Variants in GUCA2B observed in about 807,000 individuals in gnomAD.
GUCA2B encodes prepro-uroguanylin.
Under a neutral mutation model 11.1 loss-of-function variants are expected in GUCA2B, and 7 were observed. That is an observed-to-expected ratio of 0.63 (90% CI 0.36 to 1.18). The LOEUF (loss-of-function observed/expected upper bound fraction) is 1.18. Among genes scored for constraint, GUCA2B ranks in the 50% most tolerant of loss-of-function variants. GUCA2B has a pLI of 0.02. For missense variants in GUCA2B, 140 were observed against 142.5 expected (o/e 0.98, Z 0.09); for synonymous variants, 69 against 65.3 (o/e 1.06, Z -0.27).
At position 42,155,583 on chromosome 1, in the gene GUCA2B, C is replaced by T; in HGVS notation, c.326C>T (p.Thr109Ile). ...GAGCTGTGTGTGAACGTTGCGTGTA[C>T]CGGCTGCCTCTGAGATAGCCCTGGG... ...DCELCVNVAC[T>I]GCL is the part of the protein sequence containing the mutation. The change falls in exon 3 of 3, where the codon ACC (threonine) becomes ATC (isoleucine). Residue 109 changes from threonine to isoleucine, a missense_variant. By Grantham distance (89) the Thr-to-Ile change is moderately conservative. Coordinates refer to ENST00000372581, the MANE Select transcript of GUCA2B (RefSeq NM_007102.3). 2 of 1,613,638 alleles carry T rather than the reference C, an allele frequency of 1.2e-6. No homozygotes were observed. The highest frequency in any genetic ancestry group is 1.7e-6 in the Non-Finnish European group (2 of 1,179,524).
At position 42,155,808 on chromosome 1, in the gene GUCA2B, A is replaced by C; in HGVS notation, c.*212A>C. On this transcript the variant is annotated 3_prime_UTR_variant, in exon 3 of 3. Transcript: ENST00000372581. ...CTGAGGCAGCCCAGCTCCTGAATAA[A>C]GATTCTACAACACACGAGTCCACGT... is the stretch of plus-strand genomic sequence containing the variant. The C allele has an allele frequency of 1.6e-6, 1 of 609,806 alleles. No homozygotes were observed. The allele number at this position is 609,806 out of a possible 1,614,324, so 37.8% of individuals were successfully genotyped here.
rs774813687 is a variant in GUCA2B, at chr1:42,154,873, G to T, written c.277+7G>T. 2 of 1,602,404 alleles carry T rather than the reference G, an allele frequency of 1.2e-6. No homozygotes were observed. Among genetic ancestry groups the T allele is most frequent in the Non-Finnish European group, 8.5e-7 (1 of 1,172,120 alleles). On this transcript the variant is annotated splice_region_variant and intron_variant, in intron 2 of 2. Transcript: ENST00000372581. ...AGCATCTTCAAGACCCTGAGTAAGT[G>T]CCCCCGCTCCCTGCAGAACCTCGCT...
At position 42,154,759 on chromosome 1, in the gene GUCA2B, T is replaced by C. The variant is rs767874794; in HGVS notation, c.170T>C (p.Leu57Pro). The change falls in exon 2 of 3, where the codon CTG (leucine) becomes CCG (proline). Residue 57 changes from leucine (L) to proline (P), a missense_variant. By Grantham distance (98) the Leu-to-Pro change is moderately conservative. Transcript: ENST00000372581. ...GCACAGTGGGCACCCAGCCCCCGCC[T>C]GCAGGCCCAGAGCCTCCTGCCCGCC... ...LEAQWAPSPR[L>P]QAQSLLPAVC... 2 of 1,613,860 alleles carry C rather than the reference T, an allele frequency of 1.2e-6. No homozygotes were observed. Among genetic ancestry groups the C allele is most frequent in the Admixed American group, 3.3e-5 (2 of 60,034 alleles).
chr1:42,155,386 G>A (rs758118763), intron 2 of GUCA2B, 149 bp from the exon 3 acceptor site: 9 of 688,668 alleles, frequency 1.3e-5, no homozygotes, highest in Non-Finnish European at 2.4e-5. Context: ...GAGAGCATCT[G>A]GGACTTGAAC....
rs1005273202 is a variant in GUCA2B, at chr1:42,154,995, C to G, written c.277+129C>G. ...AGATTCAAGTAACTCAGGCCCTGTC[C>G]CACTGGCTCCCAGGACTCCCCGGTT... On this transcript the variant is annotated intron_variant, in intron 2 of 2. Coordinates refer to ENST00000372581, the MANE Select transcript of GUCA2B (RefSeq NM_007102.3). 2.3e-5 allele frequency: 16 copies of G among 710,696 alleles called. No individual in the cohort carries two copies. The African/African-American group carries it at 2.7e-4, about 12-fold the overall frequency. The allele number at this position is 710,696 out of a possible 1,614,324, so 44.0% of individuals were successfully genotyped here.
At position 42,155,519 on chromosome 1, in the gene GUCA2B, T is replaced by C; in HGVS notation, c.278-16T>C. 6.2e-7 allele frequency: 1 copy of C among 1,611,212 alleles called. No homozygotes were observed. The highest frequency in any genetic ancestry group is 1.3e-5 in the African/African-American group (1 of 74,976). The stretch of plus-strand genomic sequence containing the variant: ...GCCCAGGTTCAGGTCAACTGACCAG[T>C]TCTCTCCCTGCCCAGGGACCATCGC... On this transcript the variant is annotated splice_polypyrimidine_tract_variant and intron_variant, in intron 2 of 2. Transcript: ENST00000372581.
intron 1 of GUCA2B, among the ~76,000 whole-genome samples, chr1:42,153,762 G>A (rs569447438): frequency 2.0e-5 from 3 of 152,294 alleles, no homozygotes; most frequent in South Asian, 2.1e-4. Flanking sequence ...CTGATTCAGC[G>A]CTGCTCCCCT....
chr1:42,154,542 A>G (rs1245644114), intron 1 of GUCA2B, 138 bp from the exon 2 acceptor site: 5 of 706,672 alleles, frequency 7.1e-6, no homozygotes, highest in Middle Eastern at 6.4e-4. Context: ...GGCTCTTTCC[A>G]GTGTGGCCCT....
At chr1:42,155,495 C>T (rs1569691335) in intron 2 of GUCA2B, 40 bp from the exon 3 acceptor site, 2 of 1,544,862 alleles carry the variant, frequency 1.3e-6, no homozygotes, top group East Asian at 2.2e-5. Context: ...CCACAGAGGG[C>T]CCAGGTTCAG....
chr1:42,154,352 G>T (rs1646098119), intron 1 of GUCA2B, among the ~76,000 whole-genome samples: 1 of 152,316 alleles, frequency 6.6e-6, no homozygotes, highest in Non-Finnish European at 1.5e-5. Context: ...TAGTGATTGT[G>T]CCCTGGTACC....
chr1:42,154,913 G>C, intron 2 of GUCA2B, 47 bp downstream of exon 2: 1 of 1,458,472 alleles, frequency 6.9e-7, no homozygotes, highest in Non-Finnish European at 9.4e-7. Context: ...CTCCTCCCAC[G>C]CCCAGGCTCC....
chr1:42,154,422 GC>G (rs386630705), intron 1 of GUCA2B, among the ~76,000 whole-genome samples: 42 of 152,338 alleles, frequency 2.8e-4, no homozygotes, highest in African/African-American at 9.6e-4. Context: ...CAGACAGGCA[GC>G]CGGTCATGGG....
At chr1:42,154,424 C>A (rs187646715) in intron 1 of GUCA2B, among the ~76,000 whole-genome samples, 47 of 152,322 alleles carry the variant, frequency 3.1e-4, no homozygotes, top group African/African-American at 9.6e-4. Context: ...GACAGGCAGC[C>A]GGTCATGGGC....
chr1:42,155,076 A>T (rs560245039), intron 2 of GUCA2B, among the ~76,000 whole-genome samples: 3 of 152,200 alleles, frequency 2.0e-5, no homozygotes, highest in Admixed American at 6.5e-5. Flanking sequence ...AGTCCACGCC[A>T]GGCACAGACC....
Position 42,153,463 on chromosome 1 carries a change from G to C in GUCA2B, c.13G>C (p.Ala5Pro), listed in dbSNP as rs780301732. Residue 5 changes from alanine to proline, a missense_variant, in exon 1 of 3, where the codon GCT (alanine) becomes CCT (proline). By Grantham distance (27) the Ala-to-Pro change is conservative (BLOSUM62 -1). Transcript: ENST00000372581. ...CCCAGGGAGCGCGATGGGCTGCAGGGCTGCATCAGGGCTCCTGCCAGGAGT... is the reference window on the plus strand; with the variant it reads ...CCCAGGGAGCGCGATGGGCTGCAGGCCTGCATCAGGGCTCCTGCCAGGAGT... MGCR[A>P]ASGLLPGVAV... 3.7e-6 allele frequency: 6 copies of C among 1,611,122 alleles called. No individual in the cohort carries two copies. The South Asian group carries it at 4.4e-5, about 12-fold the overall frequency.
In GUCA2B at chr1:42,155,507, T is replaced by C. The variant is rs777236388; in HGVS notation, c.278-28T>C. 5.0e-6 allele frequency: 8 copies of C among 1,602,320 alleles called. No homozygotes were observed. In the South Asian group the frequency reaches 6.6e-5, roughly 13 times the overall value. On this transcript the variant is annotated intron_variant, in intron 2 of 2. Transcript: ENST00000372581. ...TGGCCACAGAGGGCCCAGGTTCAGG[T>C]CAACTGACCAGTTCTCTCCCTGCCC...
At chr1:42,153,627 G>A (rs1445745084) in intron 1 of GUCA2B, 87 bp downstream of exon 1, 19 of 983,664 alleles carry the variant, frequency 1.9e-5, no homozygotes, top group Middle Eastern at 4.3e-4. Context: ...AATTCAGAGG[G>A]GCACCGGGGG....
chr1:42,154,626 C>T, intron 1 of GUCA2B, 54 bp from the exon 2 acceptor site: 14 of 1,441,722 alleles, frequency 9.7e-6, no homozygotes, highest in African/African-American at 2.8e-5. Context: ...CATGGCAGTG[C>T]CTGCCCCTGG....
At position 42,155,601 on chromosome 1, in the gene GUCA2B, G is replaced by A; in HGVS notation, c.*5G>A. 2 of 1,611,692 alleles carry A rather than the reference G, an allele frequency of 1.2e-6. No individual in the cohort carries two copies. Among genetic ancestry groups the A allele is most frequent in the Non-Finnish European group, 1.7e-6 (2 of 1,177,762 alleles). On this transcript the variant is annotated 3_prime_UTR_variant, in exon 3 of 3. Coordinates refer to ENST00000372581, the MANE Select transcript of GUCA2B (RefSeq NM_007102.3). ...GCGTGTACCGGCTGCCTCTGAGATA[G>A]CCCTGGGTACCCTGAGCCCACCAGG...
Sources: gnomAD v4.1 joint callset for allele counts (sites outside exome capture counted in the v4.1 genomes callset) on GRCh38, gnomAD v4.1.1 for gene constraint, MANE v1.5 for transcripts, NCBI Gene and HGNC (gene_info 2026-07-23, HGNC 2026-07-21) for gene names.